Variants in NELL2 observed in about 807,000 individuals in gnomAD.
NELL2 encodes the protein neural EGFL like 2.
Under a neutral mutation model 109.6 loss-of-function variants are expected in NELL2, and 41 were observed. The observed-to-expected ratio is 0.37, with a 90% CI of 0.29 to 0.49. The LOEUF is 0.49. Among genes scored for constraint, NELL2 ranks in the 20% least tolerant of loss-of-function variants. The pLI, the probability that NELL2 is intolerant of heterozygous loss-of-function variation, is 0.98. For missense variants in NELL2, 900 were observed against 1,008.3 expected, an observed-to-expected ratio of 0.89 and a Z score of 1.45; for synonymous variants, 355 against 344.7, an observed-to-expected ratio of 1.03 and a Z score of -0.33.
At chr12:44,648,290 CT>C (rs1947169908) in intron 13 of NELL2, among the ~76,000 whole-genome samples, 1 of 152,146 alleles carries the variant, frequency 6.6e-6, no homozygotes, top group Non-Finnish European at 1.5e-5. Context: ...TCCTACTTCC[CT>C]TCTTCCTCCC....
At chr12:44,548,337 CAAG>C (rs1301012936) in intron 15 of NELL2, among the ~76,000 whole-genome samples, 2 of 151,660 alleles carry the variant, frequency 1.3e-5, no homozygotes, top group Non-Finnish European at 2.9e-5. Context: ...TAGTATAAAA[CAAG>C]AAGGATCGCC....
chr12:44,884,632 A>G (rs1945450677), intron 1 of NELL2, among the ~76,000 whole-genome samples: 1 of 152,104 alleles, frequency 6.6e-6, no homozygotes, highest in Non-Finnish European at 1.5e-5. Context: ...TTTGGAACAT[A>G]CGAAATCCTA....
At chr12:44,606,349 A>G (rs1360102212) in intron 15 of NELL2, among the ~76,000 whole-genome samples, 1 of 152,144 alleles carries the variant, frequency 6.6e-6, no homozygotes, top group Non-Finnish European at 1.5e-5. Context: ...TTGCATTGAG[A>G]TTTATGAAAA....
At chr12:44,610,358 C>T (rs1945572485) in intron 14 of NELL2, among the ~76,000 whole-genome samples, 2 of 151,794 alleles carry the variant, frequency 1.3e-5, no homozygotes, top group South Asian at 4.2e-4. Flanking sequence ...ATGATGTACG[C>T]ATGTTTGGGC....
chr12:44,743,189 TC>T (rs985578719), intron 9 of NELL2, among the ~76,000 whole-genome samples: 2 of 152,104 alleles, frequency 1.3e-5, no homozygotes, highest in Non-Finnish European at 2.9e-5. Flanking sequence ...GAATTTCATA[TC>T]CACCCAAACT....
chr12:44,850,670 G>A (rs1592652024), intron 2 of NELL2, among the ~76,000 whole-genome samples: 1 of 152,068 alleles, frequency 6.6e-6, no homozygotes, highest in Middle Eastern at 3.2e-3. Context: ...GTAAGTTTAT[G>A]AAACTAAAGC....
At chr12:44,713,456 T>TA (rs1938327355) in intron 10 of NELL2, among the ~76,000 whole-genome samples, 1 of 151,940 alleles carries the variant, frequency 6.6e-6, no homozygotes, top group Admixed American at 6.6e-5. Flanking sequence ...TTGTGAGACT[T>TA]ACTCCACTTA....
intron 1 of NELL2, among the ~76,000 whole-genome samples, chr12:44,896,106 G>A (rs371005341): frequency 5.3e-5 from 8 of 152,220 alleles, no homozygotes; most frequent in South Asian, 2.1e-4. Context: ...CAGTAAGACC[G>A]GAAGAGGGGC....
At chr12:44,895,364 G>C (rs1945581144) in intron 1 of NELL2, among the ~76,000 whole-genome samples, 1 of 152,006 alleles carries the variant, frequency 6.6e-6, no homozygotes, top group African/African-American at 2.4e-5. Context: ...TCTCAATTTG[G>C]ATCTAAGATT....
chr12:44,690,333 A>C (rs1258597180), intron 12 of NELL2, among the ~76,000 whole-genome samples: 1 of 152,218 alleles, frequency 6.6e-6, no homozygotes, highest in Non-Finnish European at 1.5e-5. Flanking sequence ...AATTATTAAG[A>C]TGATAAATTA....
Position 44,800,602 on chromosome 12 carries a change from G to C in NELL2, c.335+15384C>G, listed in dbSNP as rs185083843. On this transcript the variant is annotated intron_variant, in intron 3 of 19. Coordinates refer to ENST00000429094, the MANE Select transcript of NELL2 (RefSeq NM_001145108.2). ...GGATATGTCCATCTGGAGTGAGTAA[G>C]TGACTCTCAAAGCCCCTGAATGTCC... 4.1e-3 allele frequency among the ~76,000 whole-genome samples: 623 copies of C among 152,284 alleles called. 11 individuals are homozygous for C. Among genetic ancestry groups the C allele is most frequent in the South Asian group, 0.036 (176 of 4,826 alleles).
chr12:44,807,160 T>A (rs1190305566), intron 3 of NELL2, among the ~76,000 whole-genome samples: 1 of 151,824 alleles, frequency 6.6e-6, no homozygotes, highest in East Asian at 1.9e-4. Context: ...AAGCAACGTT[T>A]GAAATGCAAA....
Position 44,608,798 on chromosome 12 carries a change from T to C in NELL2, c.1568-1534A>G, listed in dbSNP as rs955962481. Among the ~76,000 whole-genome samples, 5 of 151,656 alleles carry C rather than the reference T, an allele frequency of 3.3e-5. No homozygotes were observed. The East Asian group carries it at 9.7e-4, about 29-fold the overall frequency. On this transcript the variant is annotated intron_variant, in intron 14 of 19. Transcript: ENST00000429094. ...TGATTTGGGGGAAGTCCTAAGGACT[T>C]AGTTATATTGTAGTCTCCGCTCATG...
chr12:44,615,051 T>C (rs1357199950), intron 13 of NELL2, among the ~76,000 whole-genome samples: 1 of 152,024 alleles, frequency 6.6e-6, no homozygotes, highest in Non-Finnish European at 1.5e-5. Flanking sequence ...AAGCTTACAG[T>C]TTAGTTGAAG....
chr12:44,681,814 T>G (rs887507588), intron 12 of NELL2, among the ~76,000 whole-genome samples: 2 of 152,036 alleles, frequency 1.3e-5, no homozygotes, highest in East Asian at 3.8e-4. Flanking sequence ...ATCCAGTCTA[T>G]CATTGTTGGA....
chr12:44,859,497 C>A (rs1944776949), intron 2 of NELL2, among the ~76,000 whole-genome samples: 1 of 152,158 alleles, frequency 6.6e-6, no homozygotes, highest in South Asian at 2.1e-4. Flanking sequence ...GCTGAGATTG[C>A]ACCATTGCAC....
chr12:44,622,747 T>C (rs1335917796), intron 13 of NELL2, among the ~76,000 whole-genome samples: 4 of 152,232 alleles, frequency 2.6e-5, no homozygotes, highest in Non-Finnish European at 5.9e-5. Context: ...GATTTTAAAG[T>C]GATGAGACTA....
chr12:44,566,864 T>G (rs1943681014), intron 15 of NELL2, among the ~76,000 whole-genome samples: 1 of 152,092 alleles, frequency 6.6e-6, no homozygotes, highest in Admixed American at 6.5e-5. Context: ...CAGGCTGCAG[T>G]GCAATGGCAT....
intron 2 of NELL2, among the ~76,000 whole-genome samples, chr12:44,867,654 G>A (rs959809133): frequency 1.3e-5 from 2 of 152,104 alleles, no homozygotes; most frequent in African/African-American, 2.4e-5. Context: ...AGAAATAAAA[G>A]GCATCAAAAT....
Sources: allele counts gnomAD v4.1 joint callset (sites outside exome capture counted in the v4.1 genomes callset), GRCh38; gene constraint gnomAD v4.1.1; transcripts MANE v1.5; gene names NCBI Gene and HGNC (gene_info 2026-07-23, HGNC 2026-07-21).